Variants in SPIRE1 observed in about 807,000 individuals in gnomAD.
The protein encoded by SPIRE1 is protein spire homolog 1.
SPIRE1 carries 40 observed loss-of-function variants against 94.1 expected under a neutral mutation model. That is an observed-to-expected ratio of 0.43 (90% CI 0.33 to 0.55). The LOEUF is 0.55. Among genes scored for constraint, SPIRE1 ranks in the 20% least tolerant of loss-of-function variants. The pLI, the probability that SPIRE1 is intolerant of heterozygous loss-of-function variation, is 0.06. For missense variants in SPIRE1, 838 were observed against 975.2 expected (o/e 0.86, Z 1.87); for synonymous variants, 376 against 371.7 (o/e 1.01, Z -0.13).
intron 2 of SPIRE1, among the ~76,000 whole-genome samples, chr18:12,620,840 A>G (rs571626229): frequency 1.1e-4 from 17 of 152,366 alleles, no homozygotes; most frequent in African/African-American, 4.1e-4. Flanking sequence ...TTCAAAGGAC[A>G]CCATCAAGAA....
rs1190410060 is a variant in SPIRE1 at position 12,506,488 on chromosome 18, G to A, written c.961C>T (p.Arg321Ter). The change falls in exon 6 of 17, where the codon CGA becomes TGA. Residue 321 changes from arginine to a stop codon, truncating the protein, a stop_gained. Coordinates refer to ENST00000409402, the MANE Select transcript of SPIRE1 (RefSeq NM_001128626.2). LOFTEE classifies it high-confidence loss of function. ...DDIRCKRYTL[R>*]KVMVNGDIPP... ...GCTTGGTTACTTACCATCACTTTTC[G>A]CAAGGTGTATCTTTTGCAGCGAATG... 3 of 1,613,804 alleles carry A rather than the reference G, an allele frequency of 1.9e-6. No individual in the cohort carries two copies. Among genetic ancestry groups the A allele is most frequent in the Admixed American group, 1.7e-5 (1 of 59,954 alleles).
intron 10 of SPIRE1, among the ~76,000 whole-genome samples, chr18:12,471,795 T>TGG (rs1443019193): frequency 6.6e-6 from 1 of 152,208 alleles, no homozygotes; most frequent in African/African-American, 2.4e-5. Flanking sequence ...ATCTTCTTCT[T>TGG]CTTTTTTTGG....
In SPIRE1 at chr18:12,559,438, C is replaced by T. The variant is rs193222973; in HGVS notation, c.373-12534G>A. Reference sequence around the variant, plus strand: ...AACTCGTGCTGGCCTGCGAACACCACGCGCAGCCCTGGTTGCCACCCGCGC... The same window carrying T: ...AACTCGTGCTGGCCTGCGAACACCATGCGCAGCCCTGGTTGCCACCCGCGC... On this transcript the variant is annotated intron_variant, in intron 2 of 16. Coordinates refer to ENST00000409402, the MANE Select transcript of SPIRE1 (RefSeq NM_001128626.2). The surrounding 1 kb of genome is among the most constrained non-coding windows in gnomAD (Gnocchi z 4.7). Among the ~76,000 whole-genome samples, 2 of 152,312 alleles carry T rather than the reference C, an allele frequency of 1.3e-5. No individual in the cohort carries two copies. Among genetic ancestry groups the T allele is most frequent in the South Asian group, 2.1e-4 (1 of 4,830 alleles).
At chr18:12,493,803 A>C (rs1045588657) in intron 7 of SPIRE1, among the ~76,000 whole-genome samples, 2 of 152,202 alleles carry the variant, frequency 1.3e-5, no homozygotes, top group African/African-American at 4.8e-5. Flanking sequence ...TTGCTCAACT[A>C]ATTTTAAGCA....
At chr18:12,506,304 T>C (rs1220160527) in intron 6 of SPIRE1, among the ~76,000 whole-genome samples, 173 bp downstream of exon 6, 1 of 152,070 alleles carries the variant, frequency 6.6e-6, no homozygotes, top group Non-Finnish European at 1.5e-5. Context: ...ACTACAGGTG[T>C]GCACCACCAC....
At chr18:12,603,605 C>T (rs1269375794) in intron 2 of SPIRE1, among the ~76,000 whole-genome samples, 3 of 148,806 alleles carry the variant, frequency 2.0e-5, no homozygotes, top group African/African-American at 7.4e-5. Context: ...GATGGAGTCT[C>T]ACTCTATTCC....
At chr18:12,459,780 A>G in intron 12 of SPIRE1, 1 of 985,920 alleles carries the variant, frequency 1.0e-6, no homozygotes, top group Non-Finnish European at 1.2e-6. Context: ...CCTGCTGGTA[A>G]AAGCTCTCTC....
chr18:12,499,286 G>A (rs912440777), intron 6 of SPIRE1, among the ~76,000 whole-genome samples: 5 of 151,970 alleles, frequency 3.3e-5, no homozygotes, highest in Admixed American at 2.0e-4. Flanking sequence ...TAATGGTCTC[G>A]GCACCCTTGT....
chr18:12,456,591 T>C (rs2031518648), intron 12 of SPIRE1, among the ~76,000 whole-genome samples: 1 of 152,202 alleles, frequency 6.6e-6, no homozygotes, highest in Non-Finnish European at 1.5e-5. Flanking sequence ...AGATTTGTTA[T>C]TGTTTGTGCT....
intron 4 of SPIRE1, among the ~76,000 whole-genome samples, chr18:12,518,312 A>G (rs57463086): frequency 0.016 from 2,458 of 152,260 alleles, 61 homozygotes; most frequent in African/African-American, 0.056. Context: ...ACTGGGCAAC[A>G]TTTTTAATAA....
At chr18:12,568,448 T>C (rs1038665728) in intron 2 of SPIRE1, among the ~76,000 whole-genome samples, 2 of 152,210 alleles carry the variant, frequency 1.3e-5, no homozygotes, top group African/African-American at 4.8e-5. Flanking sequence ...ATTTTGTATG[T>C]CCAACTCCAC....
rs141590525 is a variant in SPIRE1, at chr18:12,545,227, ATTTG to A, written c.603+1443_603+1446del. On this transcript the variant is annotated intron_variant, in intron 3 of 16. Transcript: ENST00000409402. ...CATAAATAAAACACATCAAATTTCT[ATTTG>A]TTTGTGTATTTATATATATGTATTT... Among the ~76,000 whole-genome samples the A allele has an allele frequency of 2.5e-3, 375 of 152,346 alleles. 3 individuals are homozygous for A. The highest frequency in any genetic ancestry group is 8.7e-3 in the African/African-American group (362 of 41,574).
At chr18:12,519,597 A>T (rs547034067) in intron 4 of SPIRE1, among the ~76,000 whole-genome samples, 2 of 118,072 alleles carry the variant, frequency 1.7e-5, no homozygotes, top group African/African-American at 5.5e-5. Context: ...ATTATATCAC[A>T]AAGTTATTTT....
At chr18:12,648,890 CAAAAAAAAAAA>C (rs56696562) in intron 1 of SPIRE1, among the ~76,000 whole-genome samples, 4 of 85,522 alleles carry the variant, frequency 4.7e-5, no homozygotes, top group Non-Finnish European at 8.9e-5. Context: ...AACTCCGTCT[CAAAAAAAAAAA>C]AAAAAAAAAA....
chr18:12,657,959 C>A lies in SPIRE1; in HGVS notation c.-93G>T. On this transcript the variant is annotated 5_prime_UTR_variant, in exon 1 of 17. Coordinates refer to ENST00000409402, the MANE Select transcript of SPIRE1 (RefSeq NM_001128626.2). The stretch of plus-strand genomic sequence containing the variant: ...TCGTCGCGCGCCGCCGCCTCACCAT[C>A]CCCGGAACCGCCGCCGCCCAACGCG... 1 of 1,001,512 alleles carries A rather than the reference C, an allele frequency of 1.0e-6. No homozygotes were observed. Among genetic ancestry groups the A allele is most frequent in the Non-Finnish European group, 1.2e-6 (1 of 842,202 alleles). 62.0% of individuals were successfully genotyped at this position (1,001,512 alleles called of 1,614,324 possible). A position where few individuals can be genotyped will look rare whatever the true frequency, so the allele number is the denominator to read the frequency against.
At chr18:12,519,636 C>T (rs2034304075) in intron 4 of SPIRE1, among the ~76,000 whole-genome samples, 2 of 152,026 alleles carry the variant, frequency 1.3e-5, no homozygotes, top group Admixed American at 1.3e-4. Flanking sequence ...ATTAATAAGA[C>T]CAATGGCTCA....
At chr18:12,544,129 T>C (rs1439687863) in intron 3 of SPIRE1, among the ~76,000 whole-genome samples, 1 of 152,204 alleles carries the variant, frequency 6.6e-6, no homozygotes, top group Non-Finnish European at 1.5e-5. Context: ...ATAAAATTTC[T>C]AATAGAATTG....
chr18:12,625,133 T>A lies in SPIRE1; in HGVS notation c.372+9929A>T, dbSNP rs771011492. Among the ~76,000 whole-genome samples, 55 of 152,192 alleles carry A rather than the reference T, an allele frequency of 3.6e-4. 1 individual carries two copies. Among genetic ancestry groups the A allele is most frequent in the Non-Finnish European group, 2.9e-4 (20 of 68,040 alleles). On this transcript the variant is annotated intron_variant, in intron 2 of 16. Coordinates refer to ENST00000409402, the MANE Select transcript of SPIRE1 (RefSeq NM_001128626.2). ...AATGTCCTAGTCTATGTCTGATACA[T>A]GAAATCTAAGTGGAGATTATCTATT... is the stretch of plus-strand genomic sequence containing the variant.
intron 2 of SPIRE1, among the ~76,000 whole-genome samples, chr18:12,623,305 C>T (rs9963755): frequency 0.08 from 12,187 of 152,006 alleles, 632 homozygotes; most frequent in Middle Eastern, 0.16. Flanking sequence ...AGGCGCCCGC[C>T]ACCACGCCTG....
Sources: allele counts gnomAD v4.1 joint callset (sites outside exome capture counted in the v4.1 genomes callset), GRCh38; gene constraint gnomAD v4.1.1; non-coding constraint Gnocchi (gnomAD v3.1); transcripts MANE v1.5; gene names NCBI Gene and HGNC (gene_info 2026-07-23, HGNC 2026-07-21).